The following ULK4 variants were observed in gnomAD, a reference collection of about 807,000 sequenced individuals.
The protein encoded by ULK4 is unc-51 like kinase 4.
Under a neutral mutation model 160.6 loss-of-function variants are expected in ULK4, and 133 were observed. The observed-to-expected ratio is 0.83, with a 90% CI of 0.72 to 0.96. ULK4 has a LOEUF of 0.96. Ranked by LOEUF, ULK4 falls within the 40% of genes least tolerant of loss-of-function variation. ULK4 has a pLI of 0.00. For missense variants in ULK4, 1,580 were observed against 1,499.5 expected (o/e 1.05, Z -0.89); for synonymous variants, 534 against 539.8 (o/e 0.99, Z 0.15).
At chr3:41,800,062 T>C (rs2040410440) in intron 20 of ULK4, 70 bp downstream of exon 20, 6 of 1,314,360 alleles carry the variant, frequency 4.6e-6, no homozygotes, top group Non-Finnish European at 6.1e-6. Flanking sequence ...TTATTCTTAT[T>C]CTAATATTTT....
chr3:41,365,612 T>A (rs1258549099), intron 35 of ULK4, among the ~76,000 whole-genome samples: 2 of 152,234 alleles, frequency 1.3e-5, no homozygotes, highest in Non-Finnish European at 2.9e-5. Context: ...AATATCATTA[T>A]GTCTAGTTTT....
intron 19 of ULK4, among the ~76,000 whole-genome samples, chr3:41,803,977 TTA>T (rs1471435830): frequency 5.5e-4 from 83 of 152,166 alleles, no homozygotes; most frequent in African/African-American, 1.9e-3. Context: ...GCAGCATGAT[TTA>T]TAGTCCTTTG....
Position 41,904,791 on chromosome 3 carries a change from A to G in ULK4, c.1182+3054T>C, listed in dbSNP as rs547448648. On this transcript the variant is annotated intron_variant, in intron 12 of 36. Transcript: ENST00000301831. The stretch of plus-strand genomic sequence containing the variant: ...GCAATAAGTAGCATAAAAATAACTT[A>G]GAATTAATTCAAAGTAGTTCTGCAT... 7.2e-5 allele frequency among the ~76,000 whole-genome samples: 11 copies of G among 152,366 alleles called. No homozygotes were observed. The South Asian group carries it at 2.3e-3, about 32-fold the overall frequency.
chr3:41,451,278 G>A (rs1413063361), intron 34 of ULK4, among the ~76,000 whole-genome samples: 3 of 151,954 alleles, frequency 2.0e-5, no homozygotes, highest in Admixed American at 6.6e-5. Context: ...CAAACACAAG[G>A]GAGGATGTCT....
chr3:41,844,954 A>G (rs1401248231), intron 17 of ULK4, among the ~76,000 whole-genome samples: 1 of 148,908 alleles, frequency 6.7e-6, no homozygotes, highest in Non-Finnish European at 1.5e-5. Context: ...AAAACTGGAA[A>G]TGACCCAGAT....
intron 17 of ULK4, among the ~76,000 whole-genome samples, chr3:41,874,405 A>G (rs576640860): frequency 2.6e-5 from 4 of 152,234 alleles, no homozygotes; most frequent in Non-Finnish European, 4.4e-5. Flanking sequence ...ATAAAATTCA[A>G]TTCTATAACC....
intron 35 of ULK4, among the ~76,000 whole-genome samples, chr3:41,280,675 T>C (rs947829747): frequency 1.3e-5 from 2 of 152,180 alleles, no homozygotes; most frequent in Non-Finnish European, 2.9e-5. Flanking sequence ...AGAGGGAAAT[T>C]TATAGCACTA....
chr3:41,858,371 C>T (rs535263473), intron 17 of ULK4, among the ~76,000 whole-genome samples: 1 of 151,574 alleles, frequency 6.6e-6, no homozygotes, highest in African/African-American at 2.4e-5. Context: ...AGGCTGGTCT[C>T]CAACTCCTGT....
At chr3:41,933,841 G>A (rs540227377) in intron 4 of ULK4, among the ~76,000 whole-genome samples, 3 of 152,206 alleles carry the variant, frequency 2.0e-5, no homozygotes, top group African/African-American at 7.2e-5. Context: ...CCTGAGGTCA[G>A]GAGTTTGAGA....
chr3:41,756,075 A>G (rs1332342225), intron 21 of ULK4, among the ~76,000 whole-genome samples: 1 of 152,198 alleles, frequency 6.6e-6, no homozygotes, highest in Non-Finnish European at 1.5e-5. Flanking sequence ...CAAAGGATCT[A>G]TTGCAATCAT....
chr3:41,699,930 A>G (rs2036617501), intron 27 of ULK4, among the ~76,000 whole-genome samples: 1 of 152,224 alleles, frequency 6.6e-6, no homozygotes, highest in South Asian at 2.1e-4. Flanking sequence ...ATTAATTTCT[A>G]TTTGAATGCA....
At chr3:41,281,854 T>A (rs2079360917) in intron 35 of ULK4, among the ~76,000 whole-genome samples, 1 of 152,202 alleles carries the variant, frequency 6.6e-6, no homozygotes, top group African/African-American at 2.4e-5. Context: ...AAAGAGGAAG[T>A]CAAATTGTTC....
At chr3:41,595,253 C>T (rs954860785) in intron 31 of ULK4, among the ~76,000 whole-genome samples, 13 of 152,098 alleles carry the variant, frequency 8.5e-5, no homozygotes, top group Non-Finnish European at 1.9e-4. Context: ...GGCAGTAACC[C>T]CCTTGGGCCT....
intron 35 of ULK4, among the ~76,000 whole-genome samples, chr3:41,310,976 G>C (rs2125719936): frequency 6.6e-6 from 1 of 151,862 alleles, no homozygotes; most frequent in African/African-American, 2.4e-5. Flanking sequence ...CTGGGCAACA[G>C]AGGGAGACCT....
At chr3:41,264,091 T>C (rs1010394697) in intron 35 of ULK4, among the ~76,000 whole-genome samples, 2 of 152,000 alleles carry the variant, frequency 1.3e-5, no homozygotes, top group African/African-American at 4.8e-5. Flanking sequence ...AAGGGTAGAA[T>C]GATGAGAAAG....
At chr3:41,870,491 G>A (rs1455695929) in intron 17 of ULK4, among the ~76,000 whole-genome samples, 3 of 152,054 alleles carry the variant, frequency 2.0e-5, no homozygotes, top group African/African-American at 4.8e-5. Flanking sequence ...TGACTGTGAC[G>A]TCCATCCAAT....
intron 35 of ULK4, among the ~76,000 whole-genome samples, chr3:41,285,613 G>C (rs1326873002): frequency 6.6e-6 from 1 of 152,138 alleles, no homozygotes; most frequent in African/African-American, 2.4e-5. Flanking sequence ...GGAGGCGAGT[G>C]ATAAAAGACT....
At chr3:41,385,623 C>T (rs2081789140) in intron 35 of ULK4, among the ~76,000 whole-genome samples, 1 of 152,172 alleles carries the variant, frequency 6.6e-6, no homozygotes, top group African/African-American at 2.4e-5. Context: ...TTTCACAAAG[C>T]AATATCCTAT....
At position 41,961,563 on chromosome 3, in the gene ULK4, C is replaced by T. The variant is rs1350428880; in HGVS notation, c.-49+453G>A. On this transcript the variant is annotated intron_variant, in intron 1 of 36. Transcript: ENST00000301831. The stretch of plus-strand genomic sequence containing the variant: ...ACGTAGTCACTCACCCCCCCCCCCC[C>T]CCCCCCCGCTCCCCAGGCAACTCGC... Among the ~76,000 whole-genome samples the T allele has an allele frequency of 5.5e-4, 4 of 7,222 alleles. No individual in the cohort carries two copies. The Non-Finnish European group carries it at 0.012, about 21-fold the overall frequency. The allele number at this position is 7,222 out of a possible 152,430, so 4.7% of individuals were successfully genotyped here.
Sources: allele counts gnomAD v4.1 joint callset (sites outside exome capture counted in the v4.1 genomes callset), GRCh38; gene constraint gnomAD v4.1.1; transcripts MANE v1.5; gene names NCBI Gene and HGNC (gene_info 2026-07-23, HGNC 2026-07-21).